TRHDE: variants seen among roughly 807,000 people sequenced by gnomAD.
TRHDE encodes the protein thyrotropin-releasing hormone-degrading ectoenzyme.
Under a neutral mutation model 125.7 loss-of-function variants are expected in TRHDE, and 72 were observed. That is an observed-to-expected ratio of 0.57 (90% CI 0.47 to 0.70). The LOEUF (loss-of-function observed/expected upper bound fraction) is 0.70. Among genes scored for constraint, TRHDE ranks in the 30% least tolerant of loss-of-function variants. The pLI is 0.00. For synonymous variants in TRHDE, 509 were observed against 509.1 expected, an observed-to-expected ratio of 1.00 and a Z score of 0.00; for missense variants, 1,110 against 1,327.1, an observed-to-expected ratio of 0.84 and a Z score of 2.54.
Position 72,286,701 on chromosome 12 carries a change from T to G in TRHDE, c.935T>G (p.Phe312Cys). 1 of 1,614,004 alleles carries G rather than the reference T, an allele frequency of 6.2e-7. No homozygotes were observed. Among genetic ancestry groups the G allele is most frequent in the Non-Finnish European group, 8.5e-7 (1 of 1,179,960 alleles). The change falls in exon 2 of 19, where the codon TTT (phenylalanine) becomes TGT (cysteine). Residue 312 changes from phenylalanine (F) to cysteine (C), a missense_variant. Transcript: ENST00000261180. ...TCCAGATTCCTTGGTGTTACTCAGT[T>G]TTCGCCTACACATGCCAGAAAGGCA... ...GERRFLGVTQ[F>C]SPTHARKAFP...
intron 2 of TRHDE, among the ~76,000 whole-genome samples, chr12:72,246,308 T>G (rs1878575394): frequency 6.6e-6 from 1 of 152,312 alleles, no homozygotes; most frequent in Non-Finnish European, 1.5e-5. Context: ...GTAGACATTT[T>G]AATTTTCCAT....
intron 12 of TRHDE, among the ~76,000 whole-genome samples, chr12:72,596,929 A>C (rs1464341313): frequency 1.3e-5 from 2 of 152,230 alleles, no homozygotes; most frequent in Admixed American, 1.3e-4. Flanking sequence ...CCATTATGAA[A>C]ATCTATTCTG....
At chr12:72,168,984 T>G (rs1876813607) in intron 2 of TRHDE, among the ~76,000 whole-genome samples, 1 of 152,192 alleles carries the variant, frequency 6.6e-6, no homozygotes, top group African/African-American at 2.4e-5. Flanking sequence ...TATTTTAAAG[T>G]TATTTTAATT....
intron 3 of TRHDE, among the ~76,000 whole-genome samples, chr12:72,447,424 A>G (rs1875348638): frequency 6.6e-6 from 1 of 152,152 alleles, no homozygotes; most frequent in Non-Finnish European, 1.5e-5. Flanking sequence ...GGAAAGATCT[A>G]AAATTGACAC....
intron 5 of TRHDE, among the ~76,000 whole-genome samples, chr12:72,491,391 T>C (rs1685335548): frequency 6.6e-6 from 1 of 151,886 alleles, no homozygotes; most frequent in South Asian, 2.1e-4. Context: ...TTAATGAAAA[T>C]GTGAGTGACT....
intron 3 of TRHDE, among the ~76,000 whole-genome samples, chr12:72,391,580 G>C (rs1427639307): frequency 2.0e-5 from 3 of 152,082 alleles, no homozygotes; most frequent in Non-Finnish European, 4.4e-5. Context: ...GCATAGAATA[G>C]GATGTTTTTA....
chr12:72,439,187 GT>G (rs1268224741), intron 3 of TRHDE, among the ~76,000 whole-genome samples: 2 of 151,820 alleles, frequency 1.3e-5, no homozygotes, highest in African/African-American at 4.8e-5. Flanking sequence ...GTACCATACT[GT>G]TTTGGTTACT....
At chr12:72,350,152 A>AT (rs1870515777) in intron 2 of TRHDE, among the ~76,000 whole-genome samples, 1 of 151,944 alleles carries the variant, frequency 6.6e-6, no homozygotes, top group South Asian at 2.1e-4. Context: ...CTCTGCATAT[A>AT]TTCTTGCTGA....
At chr12:72,332,590 A>T (rs1027986662) in intron 2 of TRHDE, among the ~76,000 whole-genome samples, 15 of 152,212 alleles carry the variant, frequency 9.9e-5, no homozygotes, top group Admixed American at 2.6e-4. Flanking sequence ...TCAGCATGAG[A>T]TTTAGAGGGA....
intron 3 of TRHDE, among the ~76,000 whole-genome samples, chr12:72,461,194 T>C (rs1876111607): frequency 1.3e-5 from 2 of 152,054 alleles, no homozygotes; most frequent in South Asian, 4.1e-4. Flanking sequence ...GAAACTAGTC[T>C]GCTTTAAATG....
intron 7 of TRHDE, among the ~76,000 whole-genome samples, chr12:72,551,102 T>C (rs1452691676): frequency 6.6e-6 from 1 of 152,084 alleles, no homozygotes; most frequent in Non-Finnish European, 1.5e-5. Context: ...AACTATAACA[T>C]ATTTACTACA....
intron 3 of TRHDE, among the ~76,000 whole-genome samples, chr12:72,381,571 T>G (rs1162984942): frequency 1.3e-5 from 2 of 151,834 alleles, no homozygotes; most frequent in Non-Finnish European, 2.9e-5. Context: ...AATTTTTTTG[T>G]ATTTTTAGTA....
At chr12:72,090,952 C>A (rs1874776636) in intron 1 of TRHDE, among the ~76,000 whole-genome samples, 1 of 152,012 alleles carries the variant, frequency 6.6e-6, no homozygotes, top group South Asian at 2.1e-4. Context: ...CTCACTGCAA[C>A]CTCTAACTTC....
intron 15 of TRHDE, among the ~76,000 whole-genome samples, chr12:72,642,088 CAAG>C (rs1163724935): frequency 3.3e-5 from 5 of 152,166 alleles, no homozygotes; most frequent in Non-Finnish European, 5.9e-5. Context: ...GAGGTCCTCT[CAAG>C]AACCTGACCA....
At chr12:72,618,396 A>G (rs1488024261) in intron 12 of TRHDE, among the ~76,000 whole-genome samples, 2 of 152,170 alleles carry the variant, frequency 1.3e-5, no homozygotes, top group Admixed American at 1.3e-4. Context: ...AGGTTTGAAA[A>G]ACATGCTAAT....
At chr12:72,366,414 C>T (rs865957385) in intron 2 of TRHDE, among the ~76,000 whole-genome samples, 2 of 152,120 alleles carry the variant, frequency 1.3e-5, no homozygotes, top group African/African-American at 4.8e-5. Flanking sequence ...GTGCTAATTT[C>T]CTTGCCTGAA....
At chr12:72,223,792 C>G (rs1239549054) in intron 2 of TRHDE, among the ~76,000 whole-genome samples, 1 of 152,012 alleles carries the variant, frequency 6.6e-6, no homozygotes, top group East Asian at 1.9e-4. Context: ...TTTTTCAGTC[C>G]CTTTCAGGTG....
At position 72,423,818 on chromosome 12, in the gene TRHDE, G is replaced by T. The variant is rs578026981; in HGVS notation, c.1315+45697G>T. On this transcript the variant is annotated intron_variant, in intron 3 of 18. Coordinates refer to ENST00000261180, the MANE Select transcript of TRHDE (RefSeq NM_013381.3). ...AAAAGTGGAAGAGGAAGCAGAAGAGGAATCAGAGAGGCAATGTGATGATGG... is the reference window on the plus strand; with the variant it reads ...AAAAGTGGAAGAGGAAGCAGAAGAGTAATCAGAGAGGCAATGTGATGATGG... 1.6e-4 allele frequency among the ~76,000 whole-genome samples: 24 copies of T among 152,134 alleles called. 1 individual carries two copies. In the East Asian group the frequency reaches 3.3e-3, roughly 21 times the overall value.
chr12:72,658,489 C>T (rs1874792921), intron 18 of TRHDE, among the ~76,000 whole-genome samples: 1 of 152,052 alleles, frequency 6.6e-6, no homozygotes, highest in Non-Finnish European at 1.5e-5. Flanking sequence ...CCCTACCTCT[C>T]TCTTATCCCT....
Sources: gnomAD v4.1 joint callset for allele counts (sites outside exome capture counted in the v4.1 genomes callset) on GRCh38, gnomAD v4.1.1 for gene constraint, MANE v1.5 for transcripts, NCBI Gene and HGNC (gene_info 2026-07-23, HGNC 2026-07-21) for gene names.